The following ERICH3 variants were observed in gnomAD, a reference collection of about 807,000 sequenced individuals.
ERICH3 encodes the protein glutamate-rich protein 3.
In ERICH3, 126 loss-of-function variants were observed where a neutral mutation model predicts 131.1. That is an observed-to-expected ratio of 0.96 (90% confidence interval 0.83 to 1.11). The LOEUF is 1.11. Ranked by LOEUF, ERICH3 falls within the 50% of genes most tolerant of loss-of-function variation. The pLI, the probability that ERICH3 is intolerant of heterozygous loss-of-function variation, is 0.00. For missense variants in ERICH3, 2,050 were observed against 1,810.7 expected, an observed-to-expected ratio of 1.13 and a Z score of -2.40; for synonymous variants, 695 against 644.6, an observed-to-expected ratio of 1.08 and a Z score of -1.18.
At chr1:74,646,551 TATC>T in intron 3 of ERICH3, 113 bp downstream of exon 3, 1 of 624,376 alleles carries the variant, frequency 1.6e-6, no homozygotes, top group East Asian at 3.8e-5. Context: ...CATTATTAAT[TATC>T]ATATTAGACA....
intron 11 of ERICH3, among the ~76,000 whole-genome samples, chr1:74,597,622 A>G (rs977357197): frequency 1.3e-5 from 2 of 152,014 alleles, no homozygotes; most frequent in African/African-American, 4.8e-5. Context: ...ATGTAGCTAG[A>G]TATCATGGCA....
chr1:74,602,824 C>T (rs1426388179), intron 10 of ERICH3, among the ~76,000 whole-genome samples: 1 of 151,846 alleles, frequency 6.6e-6, no homozygotes, highest in Non-Finnish European at 1.5e-5. Flanking sequence ...AGTTAAAACA[C>T]ATGAAAACAC....
intron 10 of ERICH3, among the ~76,000 whole-genome samples, chr1:74,605,241 T>G (rs572651064): frequency 6.6e-6 from 1 of 152,074 alleles, no homozygotes; most frequent in Admixed American, 6.6e-5. Context: ...TTGAAGAGAA[T>G]TAGGGCCTTG....
Position 74,631,838 on chromosome 1 carries a change from T to C in ERICH3, c.694A>G (p.Met232Val), listed in dbSNP as rs1217916828. The C allele has an allele frequency of 6.2e-7, 1 of 1,613,532 alleles. No homozygotes were observed. ...GGGGGAAGTGGAGGAGGAATAGGCA[T>C]CATGTAACTGTTAATGTTTGGAAGT... ...YQLPNINSYM[M>V]PIPPPLPPTG... Residue 232 changes from methionine to valine, a missense_variant, in exon 7 of 15, where the codon ATG becomes GTG. Met to Val is a conservative substitution (Grantham distance 21). Transcript: ENST00000326665.
At chr1:74,631,535 T>C (rs1262270206) in intron 7 of ERICH3, among the ~76,000 whole-genome samples, 178 bp downstream of exon 7, 1 of 152,144 alleles carries the variant, frequency 6.6e-6, no homozygotes, top group Admixed American at 6.6e-5. Context: ...ATTATGCAAC[T>C]GAATTACTCA....
chr1:74,613,548 T>A (rs938155976), intron 8 of ERICH3, among the ~76,000 whole-genome samples: 3 of 152,176 alleles, frequency 2.0e-5, no homozygotes, highest in African/African-American at 7.2e-5. Flanking sequence ...ATGCTTTTAT[T>A]TTTAGTTGTG....
intron 11 of ERICH3, among the ~76,000 whole-genome samples, chr1:74,598,815 G>T (rs2100575809): frequency 1.3e-5 from 2 of 151,928 alleles, no homozygotes; most frequent in East Asian, 3.9e-4. Context: ...TTAGGAATGT[G>T]AATTATATGA....
chr1:74,659,323 CATGTGT>C (rs1428789947), intron 1 of ERICH3, among the ~76,000 whole-genome samples: 2 of 85,860 alleles, frequency 2.3e-5, no homozygotes, highest in Non-Finnish European at 5.0e-5. Context: ...TGCACAGGCG[CATGTGT>C]GTGTGTGTGT....
chr1:74,642,908 T>G, intron 4 of ERICH3, 119 bp downstream of exon 4: 2 of 709,208 alleles, frequency 2.8e-6, no homozygotes, highest in Non-Finnish European at 4.6e-6. Context: ...CATCATTGAC[T>G]TCAACTATGT....
chr1:74,637,646 G>A (rs1557694861), intron 5 of ERICH3, among the ~76,000 whole-genome samples: 1 of 152,106 alleles, frequency 6.6e-6, no homozygotes, highest in Non-Finnish European at 1.5e-5. Context: ...GTGGCTGAGT[G>A]CAGCGGCTCA....
intron 9 of ERICH3, among the ~76,000 whole-genome samples, chr1:74,611,104 C>T (rs1484317734): frequency 1.3e-5 from 2 of 152,198 alleles, no homozygotes; most frequent in Middle Eastern, 3.4e-3. Context: ...CTCAGATTTG[C>T]ATCTCCAGCC....
intron 9 of ERICH3, among the ~76,000 whole-genome samples, chr1:74,609,693 C>T (rs1648593132): frequency 6.6e-6 from 1 of 151,948 alleles, no homozygotes; most frequent in Non-Finnish European, 1.5e-5. Flanking sequence ...CTGTTCTATT[C>T]TGGGCATTCA....
chr1:74,607,915 C>T (rs1310495712), intron 9 of ERICH3, among the ~76,000 whole-genome samples: 1 of 151,880 alleles, frequency 6.6e-6, no homozygotes, highest in East Asian at 1.9e-4. Flanking sequence ...TCTGGGTACT[C>T]TGTATCCATT....
rs772998074 is a variant in ERICH3, at chr1:74,636,299, T to C, written c.584A>G (p.Glu195Gly). 8 of 1,607,400 alleles carry C rather than the reference T, an allele frequency of 5.0e-6. No homozygotes were observed. The African/African-American group carries it at 1.1e-4, about 21-fold the overall frequency. ...ATTTACCCCAATGGGAAACAGAGCTTCATTTTCCAGCAATGAGGTTTTTGA... is the reference window on the plus strand; with the variant it reads ...ATTTACCCCAATGGGAAACAGAGCTCCATTTTCCAGCAATGAGGTTTTTGA... ...SRSKTSLLEN[E>G]ALFPIGGKKA... The change falls in exon 6 of 15, where the codon GAA (glutamate) becomes GGA (glycine). Residue 195 changes from glutamate to glycine, a missense_variant. Transcript: ENST00000326665.
At chr1:74,584,237 A>T (rs1227159531) in intron 12 of ERICH3, among the ~76,000 whole-genome samples, 1 of 152,218 alleles carries the variant, frequency 6.6e-6, no homozygotes. Flanking sequence ...CTGTTCAAAG[A>T]CAGTTGCAGA....
intron 1 of ERICH3, among the ~76,000 whole-genome samples, chr1:74,665,392 A>G (rs1027153037): frequency 6.6e-6 from 1 of 152,150 alleles, no homozygotes; most frequent in Non-Finnish European, 1.5e-5. Context: ...TGACCCCCAT[A>G]TGTTATCAAT....
In ERICH3 at chr1:74,572,428, T is replaced by A. The variant is rs145817694; in HGVS notation, c.3282A>T (p.Glu1094Asp). 104 of 1,613,880 alleles carry A rather than the reference T, an allele frequency of 6.4e-5. 1 individual carries two copies. The highest frequency in any genetic ancestry group is 8.3e-5 in the Non-Finnish European group (98 of 1,180,038). The change falls in exon 14 of 15, where the codon GAA (glutamate) becomes GAT (aspartate). Residue 1094 changes from glutamate to aspartate, a missense_variant. Coordinates refer to ENST00000326665, the MANE Select transcript of ERICH3 (RefSeq NM_001002912.5). The stretch of plus-strand genomic sequence containing the variant: ...CTTCTTCCGCTTTAAGTTTTTGCTC[T>A]TCTTTAAAAGCATCTTCATCCTTGA... ...NALKDEDAFK[E>D]EQKLKAEEGE...
chr1:74,599,273 A>C (rs1648004884), intron 11 of ERICH3, among the ~76,000 whole-genome samples: 1 of 151,926 alleles, frequency 6.6e-6, no homozygotes, highest in African/African-American at 2.4e-5. Flanking sequence ...AGTTACAGAG[A>C]CATTTGTTTT....
intron 1 of ERICH3, among the ~76,000 whole-genome samples, chr1:74,668,234 C>T (rs917993906): frequency 1.3e-5 from 2 of 152,110 alleles, no homozygotes; most frequent in Admixed American, 1.3e-4. Flanking sequence ...ATTGATCTTC[C>T]TGAAAAATGC....
Sources: gnomAD v4.1 joint callset for allele counts (sites outside exome capture counted in the v4.1 genomes callset) on GRCh38, gnomAD v4.1.1 for gene constraint, MANE v1.5 for transcripts, NCBI Gene and HGNC (gene_info 2026-07-23, HGNC 2026-07-21) for gene names.